STK36: variants seen among roughly 807,000 people sequenced by gnomAD.
STK36 encodes the protein serine/threonine-protein kinase 36.
A neutral mutation model predicts 142.2 loss-of-function variants in STK36; 116 were observed. The observed-to-expected ratio is 0.82, with a 90% CI of 0.70 to 0.95. The LOEUF (loss-of-function observed/expected upper bound fraction) is 0.95. STK36 is among the 40% of genes least tolerant of loss of function. STK36 has a pLI of 0.00. For missense variants in STK36, 1,422 were observed against 1,617.2 expected (o/e 0.88, Z 2.07); for synonymous variants, 619 against 641.7 (o/e 0.96, Z 0.53).
At chr2:218,685,375 C>G in intron 11 of STK36, 147 bp downstream of exon 11, 1 of 1,032,552 alleles carries the variant, frequency 9.7e-7, no homozygotes, top group South Asian at 1.9e-5. Flanking sequence ...TTACCAACCT[C>G]CTTTAGTAAC....
At chr2:218,680,153 C>G in intron 9 of STK36, 73 bp downstream of exon 9, 1 of 1,447,724 alleles carries the variant, frequency 6.9e-7, no homozygotes, top group Non-Finnish European at 9.5e-7. Context: ...AAAGCAAATA[C>G]AGAATGGTCC....
At chr2:218,676,332 A>T in intron 6 of STK36, 54 bp downstream of exon 6, 1 of 1,594,602 alleles carries the variant, frequency 6.3e-7, no homozygotes, top group Non-Finnish European at 8.6e-7. Context: ...GTCTCCCTCT[A>T]TCTCTGTTCC....
Position 218,697,514 on chromosome 2 carries a change from A to G in STK36, c.2813A>G (p.Gln938Arg), listed in dbSNP as rs201761080. The stretch of plus-strand genomic sequence containing the variant: ...ATGGCCACCTTTACCCAGGAGCCCC[A>G]GTTATGCCTGAGCTGCCTGTCCCAG... ...LAMATFTQEPQLCLSCLSQHG... is the reference protein window; with the variant it reads ...LAMATFTQEPRLCLSCLSQHG... Residue 938 changes from glutamine to arginine, a missense_variant, in exon 24 of 27, where the codon CAG becomes CGG. Coordinates refer to ENST00000295709, the MANE Select transcript of STK36 (RefSeq NM_015690.5). 1.4e-4 allele frequency: 222 copies of G among 1,614,184 alleles called. No individual in the cohort carries two copies. Among genetic ancestry groups the G allele is most frequent in the Non-Finnish European group, 1.8e-4 (213 of 1,180,034 alleles).
chr2:218,696,837 G>C (rs755176435), intron 22 of STK36: 2 of 926,010 alleles, frequency 2.2e-6, no homozygotes, highest in South Asian at 2.6e-5. Flanking sequence ...GGTTTCAGCA[G>C]ACATACACAT....
intron 26 of STK36, among the ~76,000 whole-genome samples, chr2:218,700,358 A>G (rs531101686): frequency 6.6e-6 from 1 of 152,038 alleles, no homozygotes; most frequent in Non-Finnish European, 1.5e-5. Context: ...GCCTGTCACC[A>G]TGCCCGGCTA....
rs541611853 is a variant in STK36, at chr2:218,699,316, C to T, written c.3772C>T (p.Arg1258Trp). 24 of 1,613,934 alleles carry T rather than the reference C, an allele frequency of 1.5e-5. 2 individuals carry two copies. The highest frequency in any genetic ancestry group is 8.8e-5 in the South Asian group (8 of 91,074). ...NVKEAALIAL[R>W]SLQQEPGIHQ... The stretch of plus-strand genomic sequence containing the variant: ...GAAGGAGGCTGCCCTCATTGCCCTC[C>T]GGAGCCTGCAACAGGAGCCTGGCAT... The change falls in exon 26 of 27, where the codon CGG becomes TGG. Residue 1258 changes from arginine (R) to tryptophan (W), a missense_variant. Physicochemically the swap from Arg to Trp is moderately radical, Grantham distance 101. Around this residue, in one of 2 missense-constraint regions of STK36, gnomAD observed 962 missense variants for 1,167.5 expected, o/e 0.82. Coordinates refer to ENST00000295709, the MANE Select transcript of STK36 (RefSeq NM_015690.5).
At chr2:218,684,855 A>G (rs1473287569) in intron 10 of STK36, 5 of 424,976 alleles carry the variant, frequency 1.2e-5, no homozygotes, top group Non-Finnish European at 2.1e-5. Context: ...ACGTCTTTCT[A>G]GGTATCTCTT....
chr2:218,676,183 A>G lies in STK36; in HGVS notation c.589A>G (p.Thr197Ala). Residue 197 changes from threonine to alanine, a missense_variant, in exon 6 of 27, where the codon ACC becomes GCC. Physicochemically the swap from Thr to Ala is moderately conservative, Grantham distance 58 (BLOSUM62 0). This residue lies in a region of STK36 where 460 missense variants were observed against 449.6 expected (regional missense o/e 1.02). Transcript: ENST00000295709. ...GCILYELAVG[T>A]PPFYATSIFQ... The stretch of plus-strand genomic sequence containing the variant: ...CATACTATATGAACTGGCAGTAGGC[A>G]CCCCTCCCTTCTATGCTACAAGCAT... The G allele has an allele frequency of 6.2e-7, 1 of 1,613,950 alleles. No individual in the cohort carries two copies. The highest frequency in any genetic ancestry group is 1.3e-5 in the African/African-American group (1 of 74,954).
chr2:218,682,419 AAC>A (rs1222365715), intron 10 of STK36, among the ~76,000 whole-genome samples: 1 of 152,204 alleles, frequency 6.6e-6, no homozygotes, highest in Admixed American at 6.5e-5. Flanking sequence ...CACTTACACT[AAC>A]ACAGTACAAT....
Position 218,696,520 on chromosome 2 carries a change from C to CT in STK36, c.2512-6dup. 6.2e-7 allele frequency: 1 copy of CT among 1,613,970 alleles called. No individual in the cohort carries two copies. On this transcript the variant is annotated splice_region_variant and splice_polypyrimidine_tract_variant and intron_variant, in intron 21 of 26. Coordinates refer to ENST00000295709, the MANE Select transcript of STK36 (RefSeq NM_015690.5). ...GCACCTGCATTCTTCATGTTTCTCT[C>CT]TGACAGGTTCGGTTGACTCCACCAG...
At chr2:218,678,793 A>T (rs890665337) in intron 6 of STK36, among the ~76,000 whole-genome samples, 18 of 152,224 alleles carry the variant, frequency 1.2e-4, no homozygotes, top group Admixed American at 5.2e-4. Context: ...AGTCAAAGGG[A>T]GGGCAGCGTG....
Position 218,688,499 on chromosome 2 carries a change from C to G in STK36, c.1381-198C>G, listed in dbSNP as rs895581001. 4.6e-6 allele frequency: 3 copies of G among 648,910 alleles called. No individual in the cohort carries two copies. In the African/African-American group the frequency reaches 5.5e-5, roughly 12 times the overall value. The allele number at this position is 648,910 out of a possible 1,614,324, so 40.2% of individuals were successfully genotyped here. On this transcript the variant is annotated intron_variant, in intron 11 of 26. Transcript: ENST00000295709. ...TCACTGGTGTTCTGTGTTAGGTAACCTGACCATCTATTGTCTTCTTCCCTG... is the reference window on the plus strand; with the variant it reads ...TCACTGGTGTTCTGTGTTAGGTAACGTGACCATCTATTGTCTTCTTCCCTG...
In STK36 at chr2:218,679,614, C is replaced by A; in HGVS notation, c.833C>A (p.Pro278His). Reference sequence around the variant, plus strand: ...GGGACCCCATTCACCAGCCGCCTACCCCCAGAACTTCAGGTCCTAAAGGAC... The same window carrying A: ...GGGACCCCATTCACCAGCCGCCTACACCCAGAACTTCAGGTCCTAAAGGAC... ...DLGTPFTSRL[P>H]PELQVLKDEQ... Residue 278 changes from proline (P) to histidine (H), a missense_variant, in exon 8 of 27, where the codon CCC becomes CAC. Physicochemically the swap from Pro to His is moderately conservative, Grantham distance 77. Coordinates refer to ENST00000295709, the MANE Select transcript of STK36 (RefSeq NM_015690.5). 6.2e-7 allele frequency: 1 copy of A among 1,614,182 alleles called. No individual in the cohort carries two copies. The highest frequency in any genetic ancestry group is 8.5e-7 in the Non-Finnish European group (1 of 1,180,046).
At chr2:218,680,286 G>A (rs1487598868) in intron 9 of STK36, among the ~76,000 whole-genome samples, 1 of 152,238 alleles carries the variant, frequency 6.6e-6, no homozygotes, top group East Asian at 1.9e-4. Context: ...TCTTCTTTAT[G>A]TACATTGACT....
intron 4 of STK36, 46 bp downstream of exon 4, chr2:218,674,002 A>G (rs1296050576): frequency 3.2e-6 from 5 of 1,573,728 alleles, no homozygotes; most frequent in Non-Finnish European, 4.3e-6. Context: ...ACCTCTCTCC[A>G]GGTTAGAGAA....
intron 9 of STK36, among the ~76,000 whole-genome samples, chr2:218,680,322 T>G (rs1358950816): frequency 6.6e-6 from 1 of 152,200 alleles, no homozygotes; most frequent in Non-Finnish European, 1.5e-5. Flanking sequence ...AGGGAAAGGA[T>G]CATCTCCATC....
chr2:218,692,522 G>A lies in STK36; in HGVS notation c.1916-61G>A. On this transcript the variant is annotated intron_variant, in intron 15 of 26. Coordinates refer to ENST00000295709, the MANE Select transcript of STK36 (RefSeq NM_015690.5). ...CCTGCTGCCATGTCGGTGAGTACTGGTGCTATTGTCTAGGGCAAGAGCCTC... is the reference window on the plus strand; with the variant it reads ...CCTGCTGCCATGTCGGTGAGTACTGATGCTATTGTCTAGGGCAAGAGCCTC... The A allele has an allele frequency of 1.9e-6, 3 of 1,563,816 alleles. No individual in the cohort carries two copies. In the South Asian group the frequency reaches 3.6e-5, roughly 19 times the overall value.
In STK36 at chr2:218,701,986, C is replaced by T. The variant is rs1204465488; in HGVS notation, c.3925C>T (p.Leu1309=). Residue 1309 remains leucine, a synonymous_variant, in exon 27 of 27, where the codon CTG becomes TTG. Transcript: ENST00000295709. Reference sequence around the variant, plus strand: ...ACACTGCAGGAAACTCATTCACCTCCTGAGGCCAGCCCATAGCATGTGATT... The same window carrying T: ...ACACTGCAGGAAACTCATTCACCTCTTGAGGCCAGCCCATAGCATGTGATT... The part of the protein sequence containing the change: ...AKHCRKLIHL[L]RPAHSM 6.2e-7 allele frequency: 1 copy of T among 1,614,140 alleles called. No individual in the cohort carries two copies. The highest frequency in any genetic ancestry group is 2.2e-5 in the East Asian group (1 of 44,886).
intron 13 of STK36, 58 bp downstream of exon 13, chr2:218,690,014 G>A (rs907227883): frequency 1.3e-6 from 2 of 1,482,158 alleles, no homozygotes; most frequent in South Asian, 2.4e-5. Flanking sequence ...TCTACCCCAA[G>A]TGCCCTTCCC....
Sources: gnomAD v4.1 joint callset for allele counts (sites outside exome capture counted in the v4.1 genomes callset) on GRCh38, gnomAD v4.1.1 for gene constraint, gnomAD v4.1.1 regional missense constraint, MANE v1.5 for transcripts, NCBI Gene and HGNC (gene_info 2026-07-23, HGNC 2026-07-21) for gene names.